The following GABRG1 variants were observed in gnomAD, a reference collection of about 807,000 sequenced individuals.
GABRG1 encodes gamma-aminobutyric acid type A receptor subunit gamma1.
Under a neutral mutation model 49.8 loss-of-function variants are expected in GABRG1, and 49 were observed. The ratio of observed to expected loss-of-function variants is 0.98; its 90% CI spans 0.78 to 1.25. GABRG1 has a LOEUF of 1.25. Among genes scored for constraint, GABRG1 ranks in the 50% most tolerant of loss-of-function variants. GABRG1 has a pLI of 0.00. For synonymous variants in GABRG1, 232 were observed against 185.1 expected (o/e 1.25, Z -2.06); for missense variants, 552 against 552.3 (o/e 1.00, Z 0.01).
rs1560344971 is a variant in GABRG1, at chr4:46,040,990, A to G, written c.1396T>C (p.Ter466GlnextTer12). 2 of 1,606,884 alleles carry G rather than the reference A, an allele frequency of 1.2e-6. No individual in the cohort carries two copies. The highest frequency in any genetic ancestry group is 2.2e-5 in the East Asian group (1 of 44,774). Residue 466 changes from the stop codon to glutamine (Q), a stop_lost, in exon 9 of 9, where the codon TAA becomes CAA. Transcript: ENST00000295452. Reference protein sequence around the residue: ...LVYWVGYLYL* With the variant: ...LVYWVGYLYLQ The stretch of plus-strand genomic sequence containing the variant: ...GATTTTTGCTTATGAAGTAGATTTT[A>G]TAAGTAAAGATAGCCAACCCAATAA...
chr4:46,083,000 T>C (rs959194608), intron 3 of GABRG1, among the ~76,000 whole-genome samples: 1 of 151,668 alleles, frequency 6.6e-6, no homozygotes, highest in African/African-American at 2.4e-5. Flanking sequence ...TGTCCTAACT[T>C]CTTCCCTGAT....
chr4:46,065,871 C>G (rs1013651740), intron 3 of GABRG1, among the ~76,000 whole-genome samples: 2 of 152,026 alleles, frequency 1.3e-5, no homozygotes, highest in Non-Finnish European at 2.9e-5. Context: ...AACAGGCACC[C>G]GCCACCACGC....
Position 46,111,617 on chromosome 4 carries a change from A to G in GABRG1, c.104+12193T>C, listed in dbSNP as rs1027927298. Among the ~76,000 whole-genome samples, 12 of 151,564 alleles carry G rather than the reference A, an allele frequency of 7.9e-5. No homozygotes were observed. The South Asian group carries it at 1.0e-3, about 13-fold the overall frequency. On this transcript the variant is annotated intron_variant, in intron 1 of 8. Coordinates refer to ENST00000295452, the MANE Select transcript of GABRG1 (RefSeq NM_173536.4). ...ATATGAAAAGGCTGCAGTAACCAAA[A>G]CAGCATGGTACTGGTACAAAAACAG...
chr4:46,093,390 G>C (rs1254803072), intron 2 of GABRG1, among the ~76,000 whole-genome samples: 1 of 152,004 alleles, frequency 6.6e-6, no homozygotes, highest in East Asian at 1.9e-4. Context: ...CTCATTTGTA[G>C]GGGTTGAAAA....
In GABRG1 at chr4:46,061,741, T is replaced by C. The variant is rs1400552320; in HGVS notation, c.625+2700A>G. Among the ~76,000 whole-genome samples the C allele has an allele frequency of 2.7e-5, 4 of 150,584 alleles. No homozygotes were observed. In the East Asian group the frequency reaches 7.8e-4, roughly 29 times the overall value. On this transcript the variant is annotated intron_variant, in intron 5 of 8. Transcript: ENST00000295452. ...ATACAGTAGGAAAGTAAACCACCAC[T>C]ACACAGCTACAGGAATGAAGAGTTA...
At chr4:46,067,777 C>T (rs1283397872) in intron 3 of GABRG1, among the ~76,000 whole-genome samples, 1 of 152,102 alleles carries the variant, frequency 6.6e-6, no homozygotes, top group Non-Finnish European at 1.5e-5. Context: ...AACCGCATCC[C>T]ATAATACATA....
chr4:46,053,215 T>A (rs1009585261), intron 7 of GABRG1, among the ~76,000 whole-genome samples: 2 of 151,898 alleles, frequency 1.3e-5, no homozygotes, highest in Admixed American at 1.3e-4. Context: ...TACTTCCTTT[T>A]TTGTTAGAAA....
At position 46,037,754 on chromosome 4, in the gene GABRG1, T is replaced by G. The variant is rs1717585321; in HGVS notation, c.*3234A>C. The G allele has an allele frequency of 6.6e-6, 1 of 151,792 alleles. No individual in the cohort carries two copies. The highest frequency in any genetic ancestry group is 2.4e-5 in the African/African-American group (1 of 41,424). The allele number at this position is 151,792 out of a possible 1,614,324, so 9.4% of individuals were successfully genotyped here. On this transcript the variant is annotated 3_prime_UTR_variant, in exon 9 of 9. Coordinates refer to ENST00000295452, the MANE Select transcript of GABRG1 (RefSeq NM_173536.4). ...TTTATTTCAATCTACTAAAATCATC[T>G]TATTTAAAGCTCCTCTCTTGTAAAA...
At chr4:46,076,396 T>A (rs2109417401) in intron 3 of GABRG1, among the ~76,000 whole-genome samples, 1 of 142,352 alleles carries the variant, frequency 7.0e-6, no homozygotes, top group African/African-American at 2.5e-5. Flanking sequence ...TATATATATA[T>A]ATATATATGC....
At chr4:46,102,089 A>G (rs1720399017) in intron 1 of GABRG1, among the ~76,000 whole-genome samples, 1 of 151,704 alleles carries the variant, frequency 6.6e-6, no homozygotes, top group Admixed American at 6.6e-5. Context: ...TATATACCAG[A>G]TAACGCTCTG....
chr4:46,104,672 T>C (rs1436040962), intron 1 of GABRG1, among the ~76,000 whole-genome samples: 2 of 151,496 alleles, frequency 1.3e-5, no homozygotes, highest in African/African-American at 4.8e-5. Flanking sequence ...AACTACATTC[T>C]AGTTGGGATT....
In GABRG1 at chr4:46,051,556, C is replaced by A. The variant is rs781494567; in HGVS notation, c.999G>T (p.Met333Ile). Residue 333 changes from methionine to isoleucine, a missense_variant, in exon 8 of 9, where the codon ATG becomes ATT. Met to Ile is a conservative substitution (Grantham distance 10). Transcript: ENST00000295452. Reference sequence around the variant, plus strand: ...TGAAACAAACAGAAACAAAGAGATCCATCGCAGTCACATAAGAAACCTTAG... The same window carrying A: ...TGAAACAAACAGAAACAAAGAGATCAATCGCAGTCACATAAGAAACCTTAG... ...SLPKVSYVTA[M>I]DLFVSVCFIF... is the part of the protein sequence containing the mutation. 1.2e-6 allele frequency: 2 copies of A among 1,611,592 alleles called. No homozygotes were observed. The highest frequency in any genetic ancestry group is 8.5e-7 in the Non-Finnish European group (1 of 1,178,542).
At chr4:46,099,927 T>C (rs1211815061) in intron 1 of GABRG1, among the ~76,000 whole-genome samples, 4 of 151,750 alleles carry the variant, frequency 2.6e-5, no homozygotes, top group Non-Finnish European at 5.9e-5. Flanking sequence ...CAGTATGCAA[T>C]GAGCACACTA....
At chr4:46,112,451 A>T (rs968351683) in intron 1 of GABRG1, among the ~76,000 whole-genome samples, 1 of 151,388 alleles carries the variant, frequency 6.6e-6, no homozygotes, top group African/African-American at 2.4e-5. Context: ...CTTAAAACAG[A>T]ACTATCATTC....
intron 3 of GABRG1, among the ~76,000 whole-genome samples, chr4:46,079,231 C>T (rs1222551074): frequency 6.6e-6 from 1 of 151,796 alleles, no homozygotes; most frequent in African/African-American, 2.4e-5. Flanking sequence ...TACTGCTCAC[C>T]CCTTTGTAGT....
chr4:46,071,149 T>C (rs961601592), intron 3 of GABRG1, among the ~76,000 whole-genome samples: 2 of 152,024 alleles, frequency 1.3e-5, no homozygotes, highest in Non-Finnish European at 2.9e-5. Flanking sequence ...ATGCTGCCAG[T>C]TGTTTAAAAG....
chr4:46,098,033 A>G (rs904697251), intron 1 of GABRG1, among the ~76,000 whole-genome samples: 1 of 151,728 alleles, frequency 6.6e-6, no homozygotes, highest in Non-Finnish European at 1.5e-5. Flanking sequence ...GGGGAGATCA[A>G]ATAACTCTCT....
At chr4:46,091,750 A>G (rs959804516) in intron 2 of GABRG1, among the ~76,000 whole-genome samples, 1 of 152,074 alleles carries the variant, frequency 6.6e-6, no homozygotes, top group Non-Finnish European at 1.5e-5. Context: ...AAATTGAGAC[A>G]GAAGAAAAAT....
chr4:46,075,778 C>G (rs1057148098), intron 3 of GABRG1, among the ~76,000 whole-genome samples: 2 of 151,946 alleles, frequency 1.3e-5, no homozygotes, highest in African/African-American at 4.8e-5. Flanking sequence ...CATTTAAGTG[C>G]ATTTTGGAGT....
Sources: gnomAD v4.1 joint callset for allele counts (sites outside exome capture counted in the v4.1 genomes callset) on GRCh38, gnomAD v4.1.1 for gene constraint, MANE v1.5 for transcripts, NCBI Gene and HGNC (gene_info 2026-07-23, HGNC 2026-07-21) for gene names.